APBA1: variants seen among roughly 807,000 people sequenced by gnomAD.
APBA1 encodes amyloid-beta A4 precursor protein-binding family A member 1.
Under a neutral mutation model 86.6 loss-of-function variants are expected in APBA1, and 55 were observed. The ratio of observed to expected loss-of-function variants is 0.64; its 90% CI spans 0.51 to 0.80. The LOEUF is 0.80. Ranked by LOEUF, APBA1 falls within the 30% of genes least tolerant of loss-of-function variation. The pLI is 0.00. For missense variants in APBA1, 1,090 were observed against 1,183.0 expected, an observed-to-expected ratio of 0.92 and a Z score of 1.15; for synonymous variants, 511 against 493.9, an observed-to-expected ratio of 1.03 and a Z score of -0.46.
rs565019386 is a variant in APBA1 at position 69,543,686 on chromosome 9, C to T, written c.-69-26407G>A. On this transcript the variant is annotated intron_variant, in intron 1 of 12. Transcript: ENST00000265381. ...ACCTTCAATTTAAGGAGGAGGAAAC[C>T]AAGGAACAGAAAGGCTGAGTAACTT... Among the ~76,000 whole-genome samples, 3 of 152,250 alleles carry T rather than the reference C, an allele frequency of 2.0e-5. No individual in the cohort carries two copies. The East Asian group carries it at 5.8e-4, about 29-fold the overall frequency.
intron 1 of APBA1, among the ~76,000 whole-genome samples, chr9:69,610,283 G>A (rs1476999221): frequency 1.3e-5 from 2 of 152,122 alleles, no homozygotes; most frequent in African/African-American, 4.8e-5. Context: ...TCCTGTTACT[G>A]CAGTCCAGCC....
chr9:69,491,764 ATTTTTT>A (rs151248069), intron 2 of APBA1, among the ~76,000 whole-genome samples: 1 of 132,420 alleles, frequency 7.6e-6, no homozygotes, highest in African/African-American at 2.8e-5. Context: ...TATCCCTTGA[ATTTTTT>A]TTTTTTTTTT....
intron 1 of APBA1, among the ~76,000 whole-genome samples, chr9:69,656,587 G>A (rs988285529): frequency 2.0e-5 from 3 of 152,204 alleles, no homozygotes; most frequent in Non-Finnish European, 4.4e-5. Context: ...TGACTGAGAA[G>A]GCATATGAGG....
chr9:69,657,441 A>G (rs1823634659), intron 1 of APBA1, among the ~76,000 whole-genome samples: 1 of 152,240 alleles, frequency 6.6e-6, no homozygotes, highest in African/African-American at 2.4e-5. Context: ...ACCATGGTTC[A>G]CACTGACATC....
intron 1 of APBA1, among the ~76,000 whole-genome samples, chr9:69,531,424 G>A (rs979784720): frequency 6.6e-6 from 1 of 152,052 alleles, no homozygotes; most frequent in Non-Finnish European, 1.5e-5. Flanking sequence ...ACACTGCCTG[G>A]TCCTCAGTCT....
intron 1 of APBA1, among the ~76,000 whole-genome samples, chr9:69,638,801 A>C: frequency 6.6e-6 from 1 of 152,202 alleles, no homozygotes; most frequent in Non-Finnish European, 1.5e-5. Context: ...CCCATTCAGA[A>C]GATTGATGGA....
intron 2 of APBA1, among the ~76,000 whole-genome samples, chr9:69,510,161 T>C (rs1292788960): frequency 2.0e-4 from 25 of 121,972 alleles, no homozygotes; most frequent in African/African-American, 7.8e-4. Context: ...TGATTGTATA[T>C]CTAGAAAACC....
At chr9:69,553,202 T>C (rs1836814092) in intron 1 of APBA1, among the ~76,000 whole-genome samples, 1 of 152,208 alleles carries the variant, frequency 6.6e-6, no homozygotes, top group South Asian at 2.1e-4. Flanking sequence ...CAGCTGGCAC[T>C]TTTCTTTTAA....
intron 9 of APBA1, among the ~76,000 whole-genome samples, chr9:69,450,215 C>G (rs1189021374): frequency 6.6e-6 from 1 of 151,828 alleles, no homozygotes; most frequent in Non-Finnish European, 1.5e-5. Flanking sequence ...CAATTCGCTC[C>G]GACATTTAAT....
At chr9:69,535,978 C>G (rs1836501841) in intron 1 of APBA1, among the ~76,000 whole-genome samples, 1 of 151,630 alleles carries the variant, frequency 6.6e-6, no homozygotes, top group Non-Finnish European at 1.5e-5. Flanking sequence ...TGCTATTTTC[C>G]CCCACATATT....
At chr9:69,558,454 G>T (rs1475860224) in intron 1 of APBA1, among the ~76,000 whole-genome samples, 2 of 150,402 alleles carry the variant, frequency 1.3e-5, no homozygotes, top group Non-Finnish European at 3.0e-5. Context: ...TCTTATTCTT[G>T]TTTTCCAATT....
rs1834517166 is a variant in APBA1 at position 69,427,979 on chromosome 9, A to G, written c.*3348T>C. ...CACACAGTCCTCACACACTGCCTTG[A>G]TGGAGGGGAAGAAAGATCGAGTTGT... On this transcript the variant is annotated 3_prime_UTR_variant, in exon 13 of 13. Coordinates refer to ENST00000265381, the MANE Select transcript of APBA1 (RefSeq NM_001163.4). The G allele has an allele frequency of 6.6e-6, 1 of 152,216 alleles. No homozygotes were observed. Among genetic ancestry groups the G allele is most frequent in the Admixed American group, 6.5e-5 (1 of 15,282 alleles). 9.4% of individuals were successfully genotyped at this position (152,216 alleles called of 1,614,324 possible). A position where few individuals can be genotyped will look rare whatever the true frequency, so the allele number is the denominator to read the frequency against.
At chr9:69,489,011 C>T (rs141868981) in intron 2 of APBA1, among the ~76,000 whole-genome samples, 6,818 of 152,142 alleles carry the variant, frequency 0.045, 541 homozygotes, top group African/African-American at 0.15. Context: ...ACATTCCATG[C>T]TGATGGATAG....
rs7049050 is a variant in APBA1 at position 69,500,521 on chromosome 9, A to G, written c.1200+15490T>C. ...AGCCAAATATTTACATACGATGGAC[A>G]CTCTGAGCAGCGCATCTGTGTGACT... On this transcript the variant is annotated intron_variant, in intron 2 of 12. Transcript: ENST00000265381. Among the ~76,000 whole-genome samples the G allele has an allele frequency of 8.1e-3, 1,227 of 152,208 alleles. 25 individuals are homozygous for G. Among genetic ancestry groups the G allele is most frequent in the African/African-American group, 0.028 (1,178 of 41,516 alleles).
chr9:69,523,489 ATATATATG>A (rs1333508655), intron 1 of APBA1, among the ~76,000 whole-genome samples: 159 of 12,934 alleles, frequency 0.012, no homozygotes, highest in Admixed American at 0.022. Context: ...ATATATATAT[ATATATATG>A]TATATATATA....
At chr9:69,569,629 A>T (rs892334930) in intron 1 of APBA1, among the ~76,000 whole-genome samples, 1 of 152,324 alleles carries the variant, frequency 6.6e-6, no homozygotes, top group Non-Finnish European at 1.5e-5. Context: ...TCTCTTATGC[A>T]TATGGTTGAA....
chr9:69,516,827 C>G lies in APBA1; in HGVS notation c.384G>C (p.Glu128Asp). Reference sequence around the variant, plus strand: ...GCTCGGCCTCTGCCTGCTCCGTGTACTCCTCGGCCTCGGGCCGGTACTGCA... The same window carrying G: ...GCTCGGCCTCTGCCTGCTCCGTGTAGTCCTCGGCCTCGGGCCGGTACTGCA... ...YAVQYRPEAEEYTEQAEAEHA... is the reference protein window; with the variant it reads ...YAVQYRPEAEDYTEQAEAEHA... Residue 128 changes from glutamate (E) to aspartate (D), a missense_variant, in exon 2 of 13, where the codon GAG becomes GAC. Coordinates refer to ENST00000265381, the MANE Select transcript of APBA1 (RefSeq NM_001163.4). This position sits in a 1 kb window ranked among gnomAD's most constrained non-coding sequence, Gnocchi z 7.3. The G allele has an allele frequency of 6.2e-7, 1 of 1,605,676 alleles. No homozygotes were observed. The highest frequency in any genetic ancestry group is 8.5e-7 in the Non-Finnish European group (1 of 1,179,158).
intron 2 of APBA1, among the ~76,000 whole-genome samples, chr9:69,491,156 G>T (rs1236281633): frequency 1.3e-5 from 2 of 151,972 alleles, no homozygotes; most frequent in African/African-American, 2.4e-5. Flanking sequence ...ACATGCACAC[G>T]TATGTTTATT....
chr9:69,638,831 GT>G (rs1823230522), intron 1 of APBA1, among the ~76,000 whole-genome samples: 1 of 152,104 alleles, frequency 6.6e-6, no homozygotes, highest in Non-Finnish European at 1.5e-5. Context: ...TGAGGTGTAT[GT>G]TTTTGAAATT....
Sources: gnomAD v4.1 joint callset for allele counts (sites outside exome capture counted in the v4.1 genomes callset) on GRCh38, gnomAD v4.1.1 for gene constraint, Gnocchi (gnomAD v3.1) non-coding constraint, MANE v1.5 for transcripts, NCBI Gene and HGNC (gene_info 2026-07-23, HGNC 2026-07-21) for gene names.